TOR1AIP1: variants seen among roughly 807,000 people sequenced by gnomAD.
TOR1AIP1 encodes the protein torsin-1A-interacting protein 1.
A neutral mutation model predicts 63.3 loss-of-function variants in TOR1AIP1; 54 were observed. The ratio of observed to expected loss-of-function variants is 0.85; its 90% confidence interval spans 0.69 to 1.07. The LOEUF (loss-of-function observed/expected upper bound fraction) is 1.07. Among genes scored for constraint, TOR1AIP1 ranks in the 50% least tolerant of loss-of-function variants. The pLI, the probability that TOR1AIP1 is intolerant of heterozygous loss-of-function variation, is 0.00. For synonymous variants in TOR1AIP1, 294 were observed against 273.5 expected, an observed-to-expected ratio of 1.07 and a Z score of -0.74; for missense variants, 736 against 715.0, an observed-to-expected ratio of 1.03 and a Z score of -0.33.
At chr1:179,907,360 C>T (rs979188157) in intron 6 of TOR1AIP1, among the ~76,000 whole-genome samples, 3 of 143,548 alleles carry the variant, frequency 2.1e-5, no homozygotes, top group South Asian at 2.2e-4. Context: ...ACCTGGGAAG[C>T]GGAGGTTGCA....
chr1:179,883,715 A>G (rs888815741), intron 1 of TOR1AIP1: 1 of 456,120 alleles, frequency 2.2e-6, no homozygotes, highest in African/African-American at 2.0e-5. Flanking sequence ...AAACAAGACT[A>G]TTAATTAGAG....
At chr1:179,907,402 C>T (rs1283101320) in intron 6 of TOR1AIP1, among the ~76,000 whole-genome samples, 1 of 143,224 alleles carries the variant, frequency 7.0e-6, no homozygotes, top group East Asian at 2.0e-4. Context: ...GCATTCCAGC[C>T]TGGGTGACAG....
At chr1:179,884,616 A>G in intron 1 of TOR1AIP1, 76 bp from the exon 2 acceptor site, 1 of 1,280,008 alleles carries the variant, frequency 7.8e-7, no homozygotes, top group Admixed American at 2.5e-5. Context: ...GTATTGTTAC[A>G]AAAATGCATA....
At position 179,913,415 on chromosome 1, in the gene TOR1AIP1, T is replaced by C. The variant is rs577173925; in HGVS notation, c.908-583T>C. Reference sequence around the variant, plus strand: ...AGAAATGATGAGAAGTTTTTAAATGTGATTTTAAAATACTACTAGTATTTG... The same window carrying C: ...AGAAATGATGAGAAGTTTTTAAATGCGATTTTAAAATACTACTAGTATTTG... On this transcript the variant is annotated intron_variant, in intron 8 of 9. Transcript: ENST00000606911. Among the ~76,000 whole-genome samples, 187 of 152,366 alleles carry C rather than the reference T, an allele frequency of 1.2e-3. 1 individual carries two copies. Among genetic ancestry groups the C allele is most frequent in the African/African-American group, 4.4e-3 (181 of 41,580 alleles).
intron 8 of TOR1AIP1, among the ~76,000 whole-genome samples, chr1:179,911,255 A>T (rs1011611217): frequency 1.3e-5 from 2 of 152,240 alleles, no homozygotes; most frequent in Non-Finnish European, 2.9e-5. Context: ...GTTATATAAT[A>T]GATTCCTCTT....
At chr1:179,888,090 A>AG (rs1647962182) in intron 2 of TOR1AIP1, 1 of 152,252 alleles carries the variant, frequency 6.6e-6, no homozygotes, top group Non-Finnish European at 1.5e-5. Context: ...TGGGAACTGA[A>AG]GTAGTGATTG....
chr1:179,900,749 T>C (rs1177680472), intron 4 of TOR1AIP1, among the ~76,000 whole-genome samples: 2 of 152,214 alleles, frequency 1.3e-5, no homozygotes, highest in East Asian at 3.8e-4. Flanking sequence ...AAAGATAATA[T>C]TTTCTATTAT....
intron 9 of TOR1AIP1, among the ~76,000 whole-genome samples, chr1:179,915,483 T>A (rs954957425): frequency 2.6e-5 from 4 of 152,356 alleles, no homozygotes; most frequent in Non-Finnish European, 1.5e-5. Context: ...AGGGTGGGGT[T>A]CGTGGCCCAT....
At chr1:179,916,399 A>G (rs1165047050) in intron 9 of TOR1AIP1, among the ~76,000 whole-genome samples, 1 of 152,224 alleles carries the variant, frequency 6.6e-6, no homozygotes, top group Non-Finnish European at 1.5e-5. Context: ...TTGCTGCTCT[A>G]AAAGGTCCCT....
In TOR1AIP1 at chr1:179,918,613, T is replaced by G. The variant is rs751239906; in HGVS notation, c.*374T>G. On this transcript the variant is annotated 3_prime_UTR_variant, in exon 10 of 10. Coordinates refer to ENST00000606911, the MANE Select transcript of TOR1AIP1 (RefSeq NM_015602.4). The stretch of plus-strand genomic sequence containing the variant: ...TAGATTTCTCACTAAGTTTCCTGAG[T>G]TATTAGTAAGATTGCTCCCTAAATG... 3.3e-4 allele frequency: 59 copies of G among 177,462 alleles called. No individual in the cohort carries two copies. Among genetic ancestry groups the G allele is most frequent in the Non-Finnish European group, 5.5e-4 (46 of 83,710 alleles). 11.0% of individuals were successfully genotyped at this position (177,462 alleles called of 1,614,324 possible).
In TOR1AIP1 at chr1:179,892,377, G is replaced by A. The variant is rs1648110821; in HGVS notation, c.610+3008G>A. 2.0e-5 allele frequency among the ~76,000 whole-genome samples: 3 copies of A among 152,172 alleles called. No individual in the cohort carries two copies. The South Asian group carries it at 6.2e-4, about 32-fold the overall frequency. Reference sequence around the variant, plus strand: ...AACCCCAGCTGCTTGAGAGTCTGAGGCAGGAGAATCACTTATACCCAGGAT... The same window carrying A: ...AACCCCAGCTGCTTGAGAGTCTGAGACAGGAGAATCACTTATACCCAGGAT... On this transcript the variant is annotated intron_variant, in intron 3 of 9. Coordinates refer to ENST00000606911, the MANE Select transcript of TOR1AIP1 (RefSeq NM_015602.4).
chr1:179,917,356 A>C, intron 9 of TOR1AIP1, 96 bp from the exon 10 acceptor site: 2 of 1,004,752 alleles, frequency 2.0e-6, no homozygotes, highest in Non-Finnish European at 3.0e-6. Context: ...TCTTTTACCT[A>C]ATGTTTATAA....
chr1:179,919,311 A>G lies in TOR1AIP1; in HGVS notation c.*1072A>G, dbSNP rs1190225476. The G allele has an allele frequency of 6.6e-6, 1 of 152,122 alleles. No individual in the cohort carries two copies. The highest frequency in any genetic ancestry group is 6.6e-5 in the Admixed American group (1 of 15,256). The allele number at this position is 152,122 out of a possible 1,614,324, so 9.4% of individuals were successfully genotyped here. A position where few individuals can be genotyped will look rare whatever the true frequency, so the allele number is the denominator to read the frequency against. On this transcript the variant is annotated 3_prime_UTR_variant, in exon 10 of 10. Transcript: ENST00000606911. ...ATTCGTAACAGTTTATTTTGGACACACCCTGAAGCTTTTGTTTTGAATTAA... is the reference window on the plus strand; with the variant it reads ...ATTCGTAACAGTTTATTTTGGACACGCCCTGAAGCTTTTGTTTTGAATTAA...
At chr1:179,896,796 ACT>A (rs1286881972) in intron 3 of TOR1AIP1, among the ~76,000 whole-genome samples, 3 of 152,158 alleles carry the variant, frequency 2.0e-5, no homozygotes, top group Non-Finnish European at 4.4e-5. Flanking sequence ...TACAGACAAT[ACT>A]CTCACACTAG....
chr1:179,908,536 T>C (rs1490712596), intron 7 of TOR1AIP1, 69 bp from the exon 8 acceptor site: 1 of 1,266,904 alleles, frequency 7.9e-7, no homozygotes, highest in African/African-American at 1.5e-5. Flanking sequence ...ATTAATTTTA[T>C]AACACTGGAA....
At chr1:179,907,768 T>G in intron 6 of TOR1AIP1, 55 bp from the exon 7 acceptor site, 1 of 1,422,668 alleles carries the variant, frequency 7.0e-7, no homozygotes, top group Non-Finnish European at 9.6e-7. Context: ...GTGCAACATC[T>G]TTTTTGTTGT....
chr1:179,908,280 C>T (rs919805058), intron 7 of TOR1AIP1, among the ~76,000 whole-genome samples: 2 of 152,116 alleles, frequency 1.3e-5, no homozygotes, highest in African/African-American at 4.8e-5. Context: ...CATTTTACCC[C>T]TCTTTACCTT....
In TOR1AIP1 at chr1:179,882,959, G is replaced by T; in HGVS notation, c.457G>T (p.Asp153Tyr). ...SPVMTRRGLR[D>Y]SHSSEEDEAS... is the part of the protein sequence containing the mutation. ...TGTTATGACCAGGAGAGGGCTGCGG[G>T]ACTCTCATTCCTCTGAAGGTGAGGA... Residue 153 changes from aspartate (D) to tyrosine (Y), a missense_variant, in exon 1 of 10, where the codon GAC becomes TAC. Transcript: ENST00000606911. The T allele has an allele frequency of 1.2e-6, 2 of 1,612,756 alleles. No individual in the cohort carries two copies. Among genetic ancestry groups the T allele is most frequent in the South Asian group, 2.2e-5 (2 of 90,966 alleles).
chr1:179,886,073 G>C (rs1647901486), intron 2 of TOR1AIP1, among the ~76,000 whole-genome samples: 1 of 152,098 alleles, frequency 6.6e-6, no homozygotes. Flanking sequence ...CTATGTTACT[G>C]TGTTAAGATT....
Sources: allele counts gnomAD v4.1 joint callset (sites outside exome capture counted in the v4.1 genomes callset), GRCh38; gene constraint gnomAD v4.1.1; transcripts MANE v1.5; gene names NCBI Gene and HGNC (gene_info 2026-07-23, HGNC 2026-07-21).